Variants in SLC7A9 observed in about 807,000 individuals in gnomAD.
SLC7A9 encodes the protein B(0,+)-type amino acid transporter 1.
In SLC7A9, 38 loss-of-function variants were observed where a neutral mutation model predicts 54.1. The ratio of observed to expected loss-of-function variants is 0.70; its 90% CI spans 0.54 to 0.92. The LOEUF (loss-of-function observed/expected upper bound fraction) is 0.92. Ranked by LOEUF, SLC7A9 falls within the 40% of genes least tolerant of loss-of-function variation. The pLI, the probability that SLC7A9 is intolerant of heterozygous loss-of-function variation, is 0.00. For synonymous variants in SLC7A9, 264 were observed against 258.9 expected, an observed-to-expected ratio of 1.02 and a Z score of -0.19; for missense variants, 537 against 636.1, an observed-to-expected ratio of 0.84 and a Z score of 1.68.
intron 9 of SLC7A9, among the ~76,000 whole-genome samples, chr19:32,848,759 T>C (rs1968375536): frequency 6.6e-6 from 1 of 152,028 alleles, no homozygotes; most frequent in Non-Finnish European, 1.5e-5. Flanking sequence ...CCACACCTAT[T>C]CCAAAATTGA....
At chr19:32,865,112 C>T (rs558548545) in intron 2 of SLC7A9, among the ~76,000 whole-genome samples, 5 of 152,246 alleles carry the variant, frequency 3.3e-5, no homozygotes, top group Middle Eastern at 3.4e-3. Context: ...CGTGCCTAAC[C>T]GTGATCCTGT....
chr19:32,832,870 C>G, intron 12 of SLC7A9: 1 of 413,482 alleles, frequency 2.4e-6, no homozygotes, highest in South Asian at 2.2e-5. Context: ...GACCATGCCA[C>G]TGCACTTTAG....
chr19:32,841,238 GAATTA>G (rs1241119338), intron 11 of SLC7A9, among the ~76,000 whole-genome samples: 3 of 152,108 alleles, frequency 2.0e-5, no homozygotes, highest in Non-Finnish European at 2.9e-5. Context: ...GTTATCATAA[GAATTA>G]AATAGCAGGT....
At chr19:32,840,080 T>C (rs1289981184) in intron 11 of SLC7A9, among the ~76,000 whole-genome samples, 1 of 152,170 alleles carries the variant, frequency 6.6e-6, no homozygotes, top group Non-Finnish European at 1.5e-5. Flanking sequence ...TGTCCCCTTG[T>C]TTTCTCTCAA....
chr19:32,858,120 C>T (rs1269420330), intron 9 of SLC7A9, among the ~76,000 whole-genome samples: 1 of 152,210 alleles, frequency 6.6e-6, no homozygotes, highest in Non-Finnish European at 1.5e-5. Context: ...ACCAGTGCCT[C>T]ATTCACGCGG....
Position 32,856,446 on chromosome 19 carries a change from G to A in SLC7A9, c.977+1994C>T, listed in dbSNP as rs182049979. Among the ~76,000 whole-genome samples, 524 of 152,138 alleles carry A rather than the reference G, an allele frequency of 3.4e-3. 1 individual carries two copies. Among genetic ancestry groups the A allele is most frequent in the Middle Eastern group, 6.8e-3 (2 of 294 alleles). On this transcript the variant is annotated intron_variant, in intron 9 of 12. Coordinates refer to ENST00000023064, the MANE Select transcript of SLC7A9 (RefSeq NM_014270.5). ...CCTGACCTCGTGATCTGCCCGCCTC[G>A]GCCTCCCAAAGTGCTGGGATTACAG...
At position 32,868,556 on chromosome 19, in the gene SLC7A9, G is replaced by C; in HGVS notation, c.-22C>G. The C allele has an allele frequency of 6.2e-7, 1 of 1,602,046 alleles. No homozygotes were observed. The highest frequency in any genetic ancestry group is 8.6e-7 in the Non-Finnish European group (1 of 1,168,970). ...CCATGTTTCCTCCTGCTGGTTCCAGGAGACTGCAAGGAGGGCGCACAGCTA... is the reference window on the plus strand; with the variant it reads ...CCATGTTTCCTCCTGCTGGTTCCAGCAGACTGCAAGGAGGGCGCACAGCTA... On this transcript the variant is annotated 5_prime_UTR_variant, in exon 2 of 13. Transcript: ENST00000023064.
intron 9 of SLC7A9, among the ~76,000 whole-genome samples, chr19:32,855,556 GC>G (rs879721150): frequency 2.0e-5 from 3 of 152,094 alleles, no homozygotes; most frequent in South Asian, 2.1e-4. Context: ...AAAAAAATTA[GC>G]CGGGCGTGAT....
chr19:32,835,590 CTTAA>C (rs1967932879), intron 11 of SLC7A9, among the ~76,000 whole-genome samples: 1 of 152,078 alleles, frequency 6.6e-6, no homozygotes, highest in Non-Finnish European at 1.5e-5. Flanking sequence ...TCCAGTATTG[CTTAA>C]TTTATTCCAG....
At chr19:32,865,302 T>G (rs549099775) in intron 2 of SLC7A9, among the ~76,000 whole-genome samples, 1 of 152,262 alleles carries the variant, frequency 6.6e-6, no homozygotes, top group African/African-American at 2.4e-5. Context: ...TTTATCTTAT[T>G]TTTATTTACT....
chr19:32,867,805 C>T (rs574879005), intron 2 of SLC7A9, among the ~76,000 whole-genome samples: 4 of 150,220 alleles, frequency 2.7e-5, no homozygotes, highest in African/African-American at 4.9e-5. Flanking sequence ...ATTAGCCAGG[C>T]GTAGTGGCAC....
At chr19:32,867,013 T>C (rs1178212063) in intron 2 of SLC7A9, among the ~76,000 whole-genome samples, 1 of 152,098 alleles carries the variant, frequency 6.6e-6, no homozygotes, top group Admixed American at 6.6e-5. Flanking sequence ...CCTTTCTGCC[T>C]TCCCCCCAGC....
chr19:32,843,547 T>C (rs1968189497), intron 10 of SLC7A9, among the ~76,000 whole-genome samples: 1 of 152,196 alleles, frequency 6.6e-6, no homozygotes, highest in Non-Finnish European at 1.5e-5. Flanking sequence ...TGTCAGTAAC[T>C]ACCTGGGAAA....
At chr19:32,851,938 G>A (rs62124983) in intron 9 of SLC7A9, among the ~76,000 whole-genome samples, 26,254 of 151,496 alleles carry the variant, frequency 0.17, 2,384 homozygotes, top group East Asian at 0.2. Context: ...ACCAAACACC[G>A]CATGTTCTCA....
At position 32,860,552 on chromosome 19, in the gene SLC7A9, A is replaced by T. The variant is rs1968768080; in HGVS notation, c.749+54T>A. 1.9e-6 allele frequency: 3 copies of T among 1,613,450 alleles called. No homozygotes were observed. In the South Asian group the frequency reaches 3.3e-5, roughly 18 times the overall value. On this transcript the variant is annotated intron_variant, in intron 7 of 12. Transcript: ENST00000023064. ...GGAAATAGCTCCAGCCTTCACCAGG[A>T]GAAGAGAAATCAGGCTGCCCGGCTA...
chr19:32,843,713 C>G (rs560108320), intron 10 of SLC7A9, 142 bp downstream of exon 10: 1 of 687,222 alleles, frequency 1.5e-6, no homozygotes, highest in African/African-American at 1.8e-5. Context: ...TATGTTGTTT[C>G]ACTTGTCCTG....
chr19:32,863,883 C>T (rs1968880138), intron 4 of SLC7A9, among the ~76,000 whole-genome samples: 1 of 152,220 alleles, frequency 6.6e-6, no homozygotes, highest in Admixed American at 6.5e-5. Flanking sequence ...AGCCAAGGCT[C>T]TGCCCTGCAG....
rs57446079 is a variant in SLC7A9, at chr19:32,867,929, C to CAAAA, written c.87+515_87+518dup. ...TGGGTGACAGAGCAAGACTCTGTCT[C>CAAAA]AAAAAAAAAAAAAAAAAAAAAAAAG... On this transcript the variant is annotated intron_variant, in intron 2 of 12. Coordinates refer to ENST00000023064, the MANE Select transcript of SLC7A9 (RefSeq NM_014270.5). 2.1e-3 allele frequency among the ~76,000 whole-genome samples: 141 copies of CAAAA among 66,004 alleles called. 2 individuals are homozygous for CAAAA. The highest frequency in any genetic ancestry group is 5.9e-3 in the African/African-American group (123 of 20,892). The allele number at this position is 66,004 out of a possible 152,430, so 43.3% of individuals were successfully genotyped here.
chr19:32,838,593 G>C (rs912268535), intron 11 of SLC7A9, among the ~76,000 whole-genome samples: 1 of 145,950 alleles, frequency 6.9e-6, no homozygotes, highest in Non-Finnish European at 1.5e-5. Context: ...ATATAAAAAC[G>C]TATATTATAC....
Sources: allele counts gnomAD v4.1 joint callset (sites outside exome capture counted in the v4.1 genomes callset), GRCh38; gene constraint gnomAD v4.1.1; transcripts MANE v1.5; gene names NCBI Gene and HGNC (gene_info 2026-07-23, HGNC 2026-07-21).